NDUFAF6: variants seen among roughly 807,000 people sequenced by gnomAD.
NDUFAF6 encodes the protein NADH:ubiquinone oxidoreductase complex assembly factor 6.
NDUFAF6 carries 45 observed loss-of-function variants against 40.8 expected under a neutral mutation model. That is an observed-to-expected ratio of 1.10 (90% confidence interval 0.87 to 1.42). The LOEUF is 1.42. Ranked by LOEUF, NDUFAF6 falls within the 40% of genes most tolerant of loss-of-function variation. NDUFAF6 has a pLI of 0.00. For synonymous variants in NDUFAF6, 185 were observed against 155.9 expected (o/e 1.19, Z -1.39); for missense variants, 435 against 418.5 (o/e 1.04, Z -0.34).
chr8:95,028,717 A>G (rs1266119405), intron 1 of NDUFAF6, among the ~76,000 whole-genome samples: 1 of 152,240 alleles, frequency 6.6e-6, no homozygotes, highest in South Asian at 2.1e-4. Context: ...GACAGGAGTG[A>G]TTGGTGTCAT....
chr8:95,104,435 G>A (rs1010819877), downstream of NDUFAF6, among the ~76,000 whole-genome samples: 2 of 152,066 alleles, frequency 1.3e-5, no homozygotes, highest in South Asian at 4.1e-4. Context: ...GTCCCTGTAC[G>A]CATTTACATT....
In NDUFAF6 at chr8:94,943,115, G is replaced by A. The variant is rs140786341; in HGVS notation, c.-935-2368G>A. Reference sequence around the variant, plus strand: ...TGTCCAGCAGGCAGCAGGATATAGAGCTTTGGAGCTCAGGAGTGTGGTCTC... The same window carrying A: ...TGTCCAGCAGGCAGCAGGATATAGAACTTTGGAGCTCAGGAGTGTGGTCTC... On this transcript the variant is annotated intron_variant, in intron 1 of 14. Coordinates refer to the NDUFAF6 transcript ENST00000396113. Among the ~76,000 whole-genome samples the A allele has an allele frequency of 3.8e-3, 585 of 152,296 alleles. 6 individuals are homozygous for A. The highest frequency in any genetic ancestry group is 0.014 in the African/African-American group (567 of 41,556).
chr8:95,116,094 C>T (rs1810129340), intron 5 of NDUFAF6, among the ~76,000 whole-genome samples: 1 of 151,920 alleles, frequency 6.6e-6, no homozygotes, highest in Admixed American at 6.6e-5. Flanking sequence ...GCCAAGATCG[C>T]GCCACTGCAC....
exon 1 of NDUFAF6, chr8:94,958,175 T>A (rs1823239478): frequency 6.6e-6 from 1 of 152,356 alleles, no homozygotes; most frequent in Non-Finnish European, 1.5e-5. Flanking sequence ...AAAGAGAGAC[T>A]GGAGGTGAGG....
At chr8:95,007,659 G>GTTTTT (rs553474402) in intron 2 of NDUFAF6, among the ~76,000 whole-genome samples, 4 of 103,806 alleles carry the variant, frequency 3.9e-5, no homozygotes, top group Admixed American at 1.1e-4. Flanking sequence ...GTGAGGCTCT[G>GTTTTT]TTTTTTTTTT....
At chr8:94,973,785 C>T (rs551860428) in intron 1 of NDUFAF6, among the ~76,000 whole-genome samples, 3 of 149,860 alleles carry the variant, frequency 2.0e-5, no homozygotes, top group South Asian at 2.1e-4. Context: ...TTTGGGAGGC[C>T]GAGGTGGAAG....
Position 95,025,171 on chromosome 8 carries a change from TG to T in NDUFAF6, c.167del (p.Gly56AlafsTer35), listed in dbSNP as rs1234140766. The T allele has an allele frequency of 1.4e-6, 2 of 1,480,184 alleles. No homozygotes were observed. Among genetic ancestry groups the T allele is most frequent in the Admixed American group, 2.4e-5 (1 of 40,886 alleles). The allele number at this position is 1,480,184 out of a possible 1,614,324, so 91.7% of individuals were successfully genotyped here. Reference sequence around the variant, plus strand: ...GGCTGCGGCCAGCGGACCGGGCGCCTGGGGCACTGACCACTACTGCCTGGAG... The same window carrying T: ...GGCTGCGGCCAGCGGACCGGGCGCCTGGGCACTGACCACTACTGCCTGGAG... ...SVAAASGPGA[W>X]GTDHYCLELL... On this transcript the variant is annotated frameshift_variant, in exon 1 of 9. Coordinates refer to ENST00000396124, the MANE Select transcript of NDUFAF6 (RefSeq NM_152416.4). LOFTEE classifies it high-confidence loss of function.
At chr8:94,957,980 G>A (rs1262241486), upstream of NDUFAF6, 2 of 152,344 alleles carry the variant, frequency 1.3e-5, no homozygotes, top group African/African-American at 2.4e-5. Flanking sequence ...CCTATGTCTC[G>A]TTTGTTGTCT....
intron 1 of NDUFAF6, among the ~76,000 whole-genome samples, chr8:94,912,754 A>C (rs1818868581): frequency 6.6e-6 from 1 of 151,438 alleles, no homozygotes; most frequent in Non-Finnish European, 1.5e-5. Flanking sequence ...CGGAGCTTGC[A>C]GTGAGCCGAG....
downstream of NDUFAF6, among the ~76,000 whole-genome samples, chr8:95,077,067 CAT>C (rs935088526): frequency 6.6e-6 from 1 of 152,116 alleles, no homozygotes; most frequent in African/African-American, 2.4e-5. Flanking sequence ...GACGTGCACA[CAT>C]GTGAAGACAC....
intron 1 of NDUFAF6, 95 bp from the exon 2 acceptor site, chr8:95,031,900 T>C (rs112669770): frequency 1.6e-5 from 21 of 1,277,926 alleles, no homozygotes; most frequent in African/African-American, 1.3e-4. Context: ...CGCGCCCAAC[T>C]TGAAGCCTTT....
chr8:94,999,412 A>G (rs559851446), intron 2 of NDUFAF6, among the ~76,000 whole-genome samples: 1,534 of 151,812 alleles, frequency 0.01, 29 homozygotes, highest in African/African-American at 0.035. Context: ...GTGAGCTGCC[A>G]CACCCAGCCT....
Position 95,025,078 on chromosome 8 carries a change from C to T in NDUFAF6, c.70C>T (p.Arg24Trp), listed in dbSNP as rs912337059. ...TGGCATCCCCGGCCTGTGCTGCCGC[C>T]GGCCGCCTCTGGGTCTGTACGCGCG... is the stretch of plus-strand genomic sequence containing the variant. ...RLGIPGLCCR[R>W]PPLGLYARMR... The change falls in exon 1 of 9, where the codon CGG becomes TGG. Residue 24 changes from arginine to tryptophan, a missense_variant. Physicochemically the swap from Arg to Trp is moderately radical, Grantham distance 101. Transcript: ENST00000396124. 2 of 1,449,604 alleles carry T rather than the reference C, an allele frequency of 1.4e-6. No homozygotes were observed. Among genetic ancestry groups the T allele is most frequent in the Non-Finnish European group, 1.8e-6 (2 of 1,111,774 alleles). The allele number at this position is 1,449,604 out of a possible 1,614,324, so 89.8% of individuals were successfully genotyped here. A position where few individuals can be genotyped will look rare whatever the true frequency, so the allele number is the denominator to read the frequency against.
At chr8:94,992,522 C>T (rs1826241376) in intron 2 of NDUFAF6, among the ~76,000 whole-genome samples, 1 of 152,088 alleles carries the variant, frequency 6.6e-6, no homozygotes, top group Non-Finnish European at 1.5e-5. Flanking sequence ...AAAAAGTTTA[C>T]ATATAGGTCT....
chr8:95,089,376 A>G (rs1364317244), intron 2 of NDUFAF6, among the ~76,000 whole-genome samples: 1 of 152,134 alleles, frequency 6.6e-6, no homozygotes, highest in East Asian at 1.9e-4. Context: ...CCCAGCCTCC[A>G]AGTCACATTT....
intron 3 of NDUFAF6, among the ~76,000 whole-genome samples, chr8:95,038,093 C>T (rs1587069334): frequency 6.6e-6 from 1 of 152,186 alleles, no homozygotes; most frequent in African/African-American, 2.4e-5. Flanking sequence ...ACTGTGTTGC[C>T]TCTCCTTGCC....
At chr8:94,904,946 T>G (rs1404511264) in intron 1 of NDUFAF6, among the ~76,000 whole-genome samples, 1 of 152,200 alleles carries the variant, frequency 6.6e-6, no homozygotes, top group Non-Finnish European at 1.5e-5. Context: ...ATGCCTGTAA[T>G]CCCAGCACTT....
At chr8:95,013,145 A>G (rs922857674) in intron 2 of NDUFAF6, among the ~76,000 whole-genome samples, 2 of 151,652 alleles carry the variant, frequency 1.3e-5, no homozygotes, top group Non-Finnish European at 2.9e-5. Context: ...TCTCCAACCC[A>G]AACTATAGTG....
upstream of NDUFAF6, chr8:95,024,836 C>G (rs1472676853): frequency 1.9e-6 from 1 of 528,208 alleles, no homozygotes; most frequent in Non-Finnish European, 2.9e-6. Context: ...GCCAAAGAGT[C>G]GCGGCGGCGG....
Sources: gnomAD v4.1 joint callset for allele counts (sites outside exome capture counted in the v4.1 genomes callset) on GRCh38, gnomAD v4.1.1 for gene constraint, MANE v1.5 for transcripts, NCBI Gene and HGNC (gene_info 2026-07-23, HGNC 2026-07-21) for gene names.